Variants in ZNF584 observed in about 807,000 individuals in gnomAD.
The protein encoded by ZNF584 is zinc finger protein 584.
Under a neutral mutation model 14.7 loss-of-function variants are expected in ZNF584, and 12 were observed. The ratio of observed to expected loss-of-function variants is 0.82; its 90% CI spans 0.52 to 1.32. The LOEUF is 1.32. Ranked by LOEUF, ZNF584 falls within the 40% of genes most tolerant of loss-of-function variation. The pLI, the probability that ZNF584 is intolerant of heterozygous loss-of-function variation, is 0.00. For missense variants in ZNF584, 478 were observed against 518.8 expected (o/e 0.92, Z 0.76); for synonymous variants, 204 against 190.9 (o/e 1.07, Z -0.57).
intron 1 of ZNF584, 189 bp downstream of exon 1, chr19:58,409,354 G>A: frequency 1.4e-6 from 1 of 721,234 alleles, no homozygotes; most frequent in Non-Finnish European, 2.0e-6. Flanking sequence ...ACAGGATGGG[G>A]TCGTAGTTGC....
chr19:58,409,806 G>A, intron 1 of ZNF584, 135 bp from the exon 2 acceptor site: 3 of 1,039,544 alleles, frequency 2.9e-6, no homozygotes, highest in South Asian at 1.4e-5. Flanking sequence ...GTAAGGTGGG[G>A]AAGAGTTTAG....
chr19:58,406,632 A>C (rs1478038262), upstream of ZNF584: 2 of 152,086 alleles, frequency 1.3e-5, no homozygotes, highest in Non-Finnish European at 2.9e-5. Context: ...GGATACTTCC[A>C]TCCCCAGCTT....
rs2052631129 is a variant in ZNF584, at chr19:58,415,560, TG to T, written c.208del (p.Glu70ArgfsTer14). ...APSRSPVFTQ[L>X]EDDEQSWVPS... ...TCGAGATCCCCTGTGTTTACCCAGC[TG>T]GAGGATGATGAACAGTCGTGGGTGC... is the stretch of plus-strand genomic sequence containing the variant. On this transcript the variant is annotated frameshift_variant, in exon 3 of 4. Transcript: ENST00000306910. LOFTEE classifies it high-confidence loss of function. 3.1e-6 allele frequency: 5 copies of T among 1,613,952 alleles called. No homozygotes were observed. Among genetic ancestry groups the T allele is most frequent in the Non-Finnish European group, 3.4e-6 (4 of 1,179,850 alleles).
upstream of ZNF584, chr19:58,406,069 TG>T (rs1190941504): frequency 6.1e-6 from 1 of 163,852 alleles, no homozygotes; most frequent in Non-Finnish European, 1.3e-5. Flanking sequence ...GAGCACTGAA[TG>T]AACGAGACTC....
In ZNF584 at chr19:58,416,872, C is replaced by T. The variant is rs768721286; in HGVS notation, c.354C>T (p.Val118=). 6.2e-7 allele frequency: 1 copy of T among 1,603,056 alleles called. No individual in the cohort carries two copies. The highest frequency in any genetic ancestry group is 8.5e-7 in the Non-Finnish European group (1 of 1,174,722). The change falls in exon 4 of 4, where the codon GTC becomes GTT. Residue 118 remains valine (V), a synonymous_variant. Coordinates refer to ENST00000306910, the MANE Select transcript of ZNF584 (RefSeq NM_173548.3). ...AHPEHLKSYR[V]IQHQDTHSEG... ...CTGAGCATCTAAAGAGCTACAGAGT[C>T]ATCCAGCACCAGGACACTCATAGTG...
At chr19:58,415,705 A>G (rs1285045623) in intron 3 of ZNF584, 59 bp downstream of exon 3, 2 of 1,608,444 alleles carry the variant, frequency 1.2e-6, no homozygotes, top group African/African-American at 2.7e-5. Context: ...AATGCTGAGT[A>G]CCTGCATACA....
At chr19:58,416,109 T>A in intron 3 of ZNF584, 1 of 693,636 alleles carries the variant, frequency 1.4e-6, no homozygotes, top group Non-Finnish European at 2.4e-6. Context: ...ACCCCACCTC[T>A]CTTCCCTGCA....
At chr19:58,410,727 G>GTATA (rs138175671) in intron 2 of ZNF584, among the ~76,000 whole-genome samples, 2 of 36,600 alleles carry the variant, frequency 5.5e-5, no homozygotes, top group Non-Finnish European at 8.6e-5. Context: ...ATATATATAT[G>GTATA]TATATATATA....
In ZNF584 at chr19:58,409,006, C is replaced by T. The variant is rs969203973; in HGVS notation, c.-142C>T. The T allele has an allele frequency of 8.2e-6, 9 of 1,093,492 alleles. No individual in the cohort carries two copies. The highest frequency in any genetic ancestry group is 4.2e-4 in the Middle Eastern group (2 of 4,802). The allele number at this position is 1,093,492 out of a possible 1,614,324, so 67.7% of individuals were successfully genotyped here. A position where few individuals can be genotyped will look rare whatever the true frequency, so the allele number is the denominator to read the frequency against. On this transcript the variant is annotated 5_prime_UTR_variant, in exon 1 of 4. Transcript: ENST00000306910. ...CCTCCTTCCCAGCGGCTCCGGGAAG[C>T]GGTTCCCTGTCTTCGGACGCATTTC...
intron 1 of ZNF584, among the ~76,000 whole-genome samples, chr19:58,401,905 GAT>G (rs2052433803): frequency 1.0e-5 from 1 of 98,392 alleles, no homozygotes; most frequent in African/African-American, 6.1e-5. Flanking sequence ...AAAAAAAAAA[GAT>G]TTTTTTTTTT....
chr19:58,410,542 T>TTTTTTTTTTTTTTTTTTTTTTTTTG lies in ZNF584; in HGVS notation c.169+451_169+452insTTTTTTTTTTTTTTTTTTTTTTTTG, dbSNP rs1568584343. On this transcript the variant is annotated intron_variant, in intron 2 of 3. Transcript: ENST00000306910. Reference sequence around the variant, plus strand: ...AAATATATATATATATATATATATATATATATATATATATATGTGTATATA... The same window carrying TTTTTTTTTTTTTTTTTTTTTTTTTG: ...AAATATATATATATATATATATATATTTTTTTTTTTTTTTTTTTTTTTTTGATATATATATATATATGTGTATATA... 2.6e-4 allele frequency among the ~76,000 whole-genome samples: 4 copies of TTTTTTTTTTTTTTTTTTTTTTTTTG among 15,376 alleles called. 1 individual carries two copies. The highest frequency in any genetic ancestry group is 4.2e-4 in the Non-Finnish European group (3 of 7,228). The allele number at this position is 15,376 out of a possible 152,430, so 10.1% of individuals were successfully genotyped here. A position where few individuals can be genotyped will look rare whatever the true frequency, so the allele number is the denominator to read the frequency against.
upstream of ZNF584, chr19:58,408,447 C>G (rs74831398): frequency 2.0e-5 from 3 of 152,392 alleles, no homozygotes; most frequent in Non-Finnish European, 4.4e-5. Flanking sequence ...CACCGCCCAC[C>G]GCCCAATGAT....
upstream of ZNF584, chr19:58,406,347 G>A (rs2052473120): frequency 1.9e-5 from 1 of 53,724 alleles, no homozygotes; most frequent in Non-Finnish European, 4.2e-5. Context: ...GAAAGAGCGG[G>A]GGGGGGGGGA....
chr19:58,411,426 T>C (rs923903617), intron 2 of ZNF584, among the ~76,000 whole-genome samples: 1 of 151,048 alleles, frequency 6.6e-6, no homozygotes, highest in African/African-American at 2.4e-5. Flanking sequence ...CTAGGGAAGC[T>C]GAGGCAGGAG....
At chr19:58,410,241 G>A in intron 2 of ZNF584, 150 bp downstream of exon 2, 1 of 1,045,972 alleles carries the variant, frequency 9.6e-7, no homozygotes, top group Non-Finnish European at 1.3e-6. Flanking sequence ...TCGGTGGTGG[G>A]ACTCGGCGGT....
intron 1 of ZNF584, 119 bp from the exon 2 acceptor site, chr19:58,409,822 A>AT (rs2122208783): frequency 1.6e-6 from 2 of 1,235,462 alleles, no homozygotes; most frequent in East Asian, 4.6e-5. Flanking sequence ...TTTAGAGCTC[A>AT]TAGGGAAAGA....
chr19:58,416,076 C>G, intron 3 of ZNF584: 1 of 1,050,550 alleles, frequency 9.5e-7, no homozygotes, highest in Non-Finnish European at 1.4e-6. Flanking sequence ...TGCTGAAACC[C>G]TTTGCAGAGG....
chr19:58,403,099 TG>T (rs1461763794), intron 1 of ZNF584, among the ~76,000 whole-genome samples: 2 of 152,238 alleles, frequency 1.3e-5, no homozygotes, highest in African/African-American at 2.4e-5. Context: ...ATAGCCACTT[TG>T]GAAGACAGTT....
rs2052657013 is a variant in ZNF584, at chr19:58,417,312, CT to C, written c.795del (p.Gly266GlufsTer71). 1 of 1,614,196 alleles carries C rather than the reference CT, an allele frequency of 6.2e-7. No individual in the cohort carries two copies. On this transcript the variant is annotated frameshift_variant, in exon 4 of 4. Coordinates refer to ENST00000306910, the MANE Select transcript of ZNF584 (RefSeq NM_173548.3). LOFTEE classifies it low-confidence loss of function (END_TRUNC). ...CTTGTTCTACACCAGAGGATTCACA[CT>C]GGAGAAAGGCCTTACGAGTGCAGCA... is the stretch of plus-strand genomic sequence containing the variant. ...DALVLHQRIH[T>X]GERPYECSKC... is the part of the protein sequence containing the mutation.
Sources: gnomAD v4.1 joint callset for allele counts (sites outside exome capture counted in the v4.1 genomes callset) on GRCh38, gnomAD v4.1.1 for gene constraint, MANE v1.5 for transcripts, NCBI Gene and HGNC (gene_info 2026-07-23, HGNC 2026-07-21) for gene names.